ZNF410: variants seen among roughly 807,000 people sequenced by gnomAD.
ZNF410 encodes the protein another partner for ARF 1.
In ZNF410, 18 loss-of-function variants were observed where a neutral mutation model predicts 54.8. The observed-to-expected ratio is 0.33, with a 90% CI of 0.23 to 0.49. The LOEUF is 0.49. Among genes scored for constraint, ZNF410 ranks in the 20% least tolerant of loss-of-function variants. The pLI is 0.99. For synonymous variants in ZNF410, 191 were observed against 207.3 expected (o/e 0.92, Z 0.68); for missense variants, 405 against 569.6 (o/e 0.71, Z 2.94).
At chr14:73,903,106 T>A (rs931490096) in intron 5 of ZNF410, among the ~76,000 whole-genome samples, 8 of 152,138 alleles carry the variant, frequency 5.3e-5, no homozygotes, top group Non-Finnish European at 1.2e-4. Context: ...AATGACTACT[T>A]CTTCTTAAAA....
chr14:73,889,611 T>A (rs1461952712), intron 1 of ZNF410, among the ~76,000 whole-genome samples: 1 of 152,026 alleles, frequency 6.6e-6, no homozygotes, highest in Non-Finnish European at 1.5e-5. Flanking sequence ...CTTAATAACT[T>A]GGTAATTAAG....
chr14:73,902,665 GGAAA>G (rs1447851025), intron 5 of ZNF410, among the ~76,000 whole-genome samples: 1 of 152,078 alleles, frequency 6.6e-6, no homozygotes, highest in Non-Finnish European at 1.5e-5. Context: ...TATATATAGT[GGAAA>G]GATACACTGC....
chr14:73,893,735 T>G, intron 2 of ZNF410, 62 bp from the exon 3 acceptor site: 1 of 1,529,430 alleles, frequency 6.5e-7, no homozygotes, highest in Non-Finnish European at 8.8e-7. Context: ...TTTGGTAAAT[T>G]CAAAGGTTTA....
At chr14:73,924,086 G>A (rs2055793656) in intron 11 of ZNF410, among the ~76,000 whole-genome samples, 1 of 152,116 alleles carries the variant, frequency 6.6e-6, no homozygotes, top group Non-Finnish European at 1.5e-5. Flanking sequence ...TTAACCAAAT[G>A]GGCATATACA....
intron 5 of ZNF410, among the ~76,000 whole-genome samples, chr14:73,899,366 C>T (rs944604764): frequency 4.6e-5 from 7 of 151,716 alleles, no homozygotes; most frequent in African/African-American, 1.7e-4. Context: ...CCTCTGGCTC[C>T]CTAAGTGCTG....
Position 73,893,948 on chromosome 14 carries a change from A to G in ZNF410, c.169+16A>G, listed in dbSNP as rs776874546. ...ATGTTACCAGGTAAAAATTAAGATC[A>G]CTAGAAATAGGATAAAGAAGTCTTA... On this transcript the variant is annotated intron_variant, in intron 3 of 11. Transcript: ENST00000555044. 4 of 1,603,774 alleles carry G rather than the reference A, an allele frequency of 2.5e-6. No individual in the cohort carries two copies. The highest frequency in any genetic ancestry group is 2.7e-5 in the African/African-American group (2 of 74,256).
At chr14:73,910,926 C>G (rs1461636440) in intron 8 of ZNF410, among the ~76,000 whole-genome samples, 1 of 145,048 alleles carries the variant, frequency 6.9e-6, no homozygotes, top group African/African-American at 2.8e-5. Context: ...AGTTGTCAGG[C>G]TGACTCACAT....
chr14:73,898,370 C>T (rs769686944), intron 5 of ZNF410, 108 bp downstream of exon 5: 5 of 1,141,272 alleles, frequency 4.4e-6, no homozygotes, highest in Non-Finnish European at 6.3e-6. Context: ...TTGATGAGAG[C>T]AGAAGGCTAG....
At chr14:73,888,368 G>C (rs994108670) in intron 1 of ZNF410, 3 of 152,066 alleles carry the variant, frequency 2.0e-5, no homozygotes, top group African/African-American at 7.2e-5. Context: ...GAAAAATGTA[G>C]GTATCATTTG....
chr14:73,890,493 G>A (rs138093037), intron 1 of ZNF410, among the ~76,000 whole-genome samples: 2,930 of 152,156 alleles, frequency 0.019, 42 homozygotes, highest in Non-Finnish European at 0.03. Context: ...CAGCCTAAGT[G>A]CCCTCTTTGT....
chr14:73,921,940 G>A (rs2140324375), intron 9 of ZNF410, 126 bp from the exon 10 acceptor site: 2 of 1,031,636 alleles, frequency 1.9e-6, no homozygotes, highest in Non-Finnish European at 2.9e-6. Context: ...GTGAAATAGG[G>A]GGTGGCATCC....
intron 8 of ZNF410, among the ~76,000 whole-genome samples, chr14:73,910,058 C>T (rs2055553614): frequency 6.6e-6 from 1 of 152,092 alleles, no homozygotes; most frequent in South Asian, 2.1e-4. Flanking sequence ...AAGTCAGGTA[C>T]AGCGCAGGGA....
intron 8 of ZNF410, among the ~76,000 whole-genome samples, chr14:73,918,606 G>A (rs1566663548): frequency 6.7e-6 from 1 of 148,808 alleles, no homozygotes; most frequent in East Asian, 2.0e-4. Context: ...CATTGACCAT[G>A]TCTCTCTTTC....
At position 73,892,142 on chromosome 14, in the gene ZNF410, C is replaced by T. The variant is rs371715301; in HGVS notation, c.-34C>T. 1 of 1,612,660 alleles carries T rather than the reference C, an allele frequency of 6.2e-7. No individual in the cohort carries two copies. ...GCTCTGAATTAAATTTGAACTTGTCCCCTGAATAGCTACAGGTTTTGGAAG... is the reference window on the plus strand; with the variant it reads ...GCTCTGAATTAAATTTGAACTTGTCTCCTGAATAGCTACAGGTTTTGGAAG... On this transcript the variant is annotated 5_prime_UTR_variant, in exon 2 of 12. Coordinates refer to ENST00000555044, the MANE Select transcript of ZNF410 (RefSeq NM_021188.3).
chr14:73,928,425 G>C (rs12432077), intron 11 of ZNF410, among the ~76,000 whole-genome samples: 51,012 of 151,974 alleles, frequency 0.34, 9,661 homozygotes, highest in Non-Finnish European at 0.42. Flanking sequence ...CTAGTCTCTT[G>C]AAAGGTCTTA....
rs148813745 is a variant in ZNF410 at position 73,893,892 on chromosome 14, C to T, written c.129C>T (p.Pro43=). 29 of 1,613,928 alleles carry T rather than the reference C, an allele frequency of 1.8e-5. No homozygotes were observed. In the African/African-American group the frequency reaches 3.1e-4, roughly 17 times the overall value. The stretch of plus-strand genomic sequence containing the variant: ...ATATTACTTGCTTGTCCCTCCTTCC[C>T]GTGACTGAAGCCTCAGAATGCAGTC... ...AKDITCLSLL[P]VTEASECSRL... Residue 43 remains proline, a synonymous_variant, in exon 3 of 12, where the codon CCC becomes CCT. Transcript: ENST00000555044.
At chr14:73,901,348 A>G (rs1281413490) in intron 5 of ZNF410, among the ~76,000 whole-genome samples, 3 of 151,986 alleles carry the variant, frequency 2.0e-5, no homozygotes, top group Non-Finnish European at 4.4e-5. Context: ...AGGTGGGCAG[A>G]TCACTGGAGG....
At chr14:73,918,855 C>T (rs1016572803) in intron 8 of ZNF410, among the ~76,000 whole-genome samples, 5 of 151,048 alleles carry the variant, frequency 3.3e-5, no homozygotes, top group Admixed American at 6.6e-5. Flanking sequence ...CCCGCCACCA[C>T]GCCCGGCTAC....
chr14:73,896,546 T>G lies in ZNF410; in HGVS notation c.388+12T>G. On this transcript the variant is annotated intron_variant, in intron 4 of 11. Transcript: ENST00000555044. The stretch of plus-strand genomic sequence containing the variant: ...CCTAACAAGAGCAGGTATTCTTTCC[T>G]TTTTTTTGGGCTCTGCTTATGCCTA... The G allele has an allele frequency of 1.3e-6, 2 of 1,598,454 alleles. No individual in the cohort carries two copies. The highest frequency in any genetic ancestry group is 8.5e-7 in the Non-Finnish European group (1 of 1,170,388).
Sources: gnomAD v4.1 joint callset for allele counts (sites outside exome capture counted in the v4.1 genomes callset) on GRCh38, gnomAD v4.1.1 for gene constraint, MANE v1.5 for transcripts, NCBI Gene and HGNC (gene_info 2026-07-23, HGNC 2026-07-21) for gene names.